The following NRXN3 variants were observed in gnomAD, a reference collection of about 807,000 sequenced individuals.
NRXN3 encodes the protein neurexin 3, also known as neurexin III.
NRXN3 carries 32 observed loss-of-function variants against 137.6 expected under a neutral mutation model. That is an observed-to-expected ratio of 0.23 (90% CI 0.18 to 0.31). The LOEUF (loss-of-function observed/expected upper bound fraction) is 0.31, where lower values mean the gene tolerates loss of function less well. NRXN3 is among the 10% of genes least tolerant of loss of function. The pLI is 1.00. For synonymous variants in NRXN3, 798 were observed against 784.5 expected (o/e 1.02, Z -0.29); for missense variants, 1,574 against 2,062.5 (o/e 0.76, Z 4.59).
chr14:78,878,977 A>G (rs1349578591), intron 10 of NRXN3, among the ~76,000 whole-genome samples: 1 of 152,002 alleles, frequency 6.6e-6, no homozygotes, highest in Non-Finnish European at 1.5e-5. Context: ...AGCATGGCTT[A>G]TTTTACTTAA....
intron 15 of NRXN3, among the ~76,000 whole-genome samples, chr14:79,466,556 C>T (rs1305161932): frequency 1.3e-5 from 2 of 152,034 alleles, no homozygotes; most frequent in Non-Finnish European, 2.9e-5. Context: ...CCACTGCACT[C>T]CAGCCTGGGC....
At chr14:78,442,441 C>G (rs2094290608) in intron 4 of NRXN3, among the ~76,000 whole-genome samples, 1 of 152,204 alleles carries the variant, frequency 6.6e-6, no homozygotes, top group South Asian at 2.1e-4. Flanking sequence ...TCCCCAAGAG[C>G]CTTCAGAGGG....
intron 19 of NRXN3, among the ~76,000 whole-genome samples, chr14:79,777,225 A>C (rs2099099792): frequency 6.6e-6 from 1 of 152,240 alleles, no homozygotes; most frequent in Admixed American, 6.5e-5. Context: ...TAAAGTACAA[A>C]ATAGAAAAAG....
At position 78,657,602 on chromosome 14, in the gene NRXN3, C is replaced by G. The variant is rs543724185; in HGVS notation, c.1221+6276C>G. ...CATTGTGCACATTACATTCCACATC[C>G]CTTTGTGATTATTAGCCATTTAAAA... On this transcript the variant is annotated intron_variant, in intron 6 of 20. Transcript: ENST00000335750. Among the ~76,000 whole-genome samples the G allele has an allele frequency of 3.3e-5, 5 of 152,252 alleles. No homozygotes were observed. The East Asian group carries it at 9.7e-4, about 29-fold the overall frequency.
At position 79,861,677 on chromosome 14, in the gene NRXN3, C is replaced by G. The variant is rs779598981; in HGVS notation, c.4429C>G (p.Pro1477Ala). Residue 1477 changes from proline to alanine, a missense_variant, in exon 21 of 21, where the codon CCG becomes GCG. By Grantham distance (27) the Pro-to-Ala change is conservative (BLOSUM62 -1). Around this residue, in one of 5 missense-constraint regions of NRXN3, gnomAD observed 320 missense variants for 387.1 expected, o/e 0.83. Coordinates refer to ENST00000335750, the MANE Select transcript of NRXN3 (RefSeq NM_001330195.2). The surrounding 1 kb of genome is among the most constrained non-coding windows in gnomAD (Gnocchi z 5.4). ...RNVPTANPTEPGIRRVPGASE... is the reference protein window; with the variant it reads ...RNVPTANPTEAGIRRVPGASE... ...TGTGCCCACAGCAAACCCCACGGAG[C>G]CGGGAATCAGACGGGTTCCGGGGGC... is the stretch of plus-strand genomic sequence containing the variant. 1 of 1,614,046 alleles carries G rather than the reference C, an allele frequency of 6.2e-7. No individual in the cohort carries two copies. The highest frequency in any genetic ancestry group is 1.7e-5 in the Admixed American group (1 of 60,008).
At chr14:79,132,218 T>C (rs1212593830) in intron 15 of NRXN3, among the ~76,000 whole-genome samples, 2 of 152,246 alleles carry the variant, frequency 1.3e-5, no homozygotes, top group South Asian at 2.1e-4. Context: ...AAACTTAACT[T>C]TAAAAATTGA....
intron 4 of NRXN3, among the ~76,000 whole-genome samples, chr14:78,403,555 A>C (rs1230364641): frequency 1.3e-5 from 2 of 152,110 alleles, no homozygotes; most frequent in Non-Finnish European, 2.9e-5. Context: ...TTGCTGGCTG[A>C]AGCTCCCAGT....
At chr14:78,453,471 T>C (rs1366550829) in intron 4 of NRXN3, among the ~76,000 whole-genome samples, 1 of 152,226 alleles carries the variant, frequency 6.6e-6, no homozygotes, top group Admixed American at 6.5e-5. Flanking sequence ...GAAGTTCTGT[T>C]TGGAATTAAG....
intron 10 of NRXN3, among the ~76,000 whole-genome samples, chr14:78,890,128 C>T (rs1007710301): frequency 6.6e-6 from 1 of 151,884 alleles, no homozygotes; most frequent in Non-Finnish European, 1.5e-5. Flanking sequence ...GCCTTTAAAA[C>T]TGAGAGAGAA....
intron 4 of NRXN3, among the ~76,000 whole-genome samples, chr14:78,624,492 C>T (rs796423685): frequency 5.3e-5 from 8 of 152,294 alleles, no homozygotes; most frequent in African/African-American, 1.7e-4. Context: ...AAGAGGGGGG[C>T]GGTATGCCCA....
chr14:78,618,775 A>C (rs1314823887), intron 4 of NRXN3, among the ~76,000 whole-genome samples: 5 of 152,246 alleles, frequency 3.3e-5, no homozygotes, highest in African/African-American at 1.2e-4. Context: ...ATTTTATTCA[A>C]GGATACCCTG....
intron 4 of NRXN3, among the ~76,000 whole-genome samples, chr14:78,302,259 C>G (rs2076947425): frequency 6.6e-6 from 1 of 152,110 alleles, no homozygotes; most frequent in African/African-American, 2.4e-5. Flanking sequence ...ACGTGAGTAT[C>G]TTATTTTCTT....
intron 4 of NRXN3, among the ~76,000 whole-genome samples, chr14:78,587,956 C>G (rs1052022933): frequency 6.6e-6 from 1 of 152,044 alleles, no homozygotes; most frequent in Non-Finnish European, 1.5e-5. Flanking sequence ...CCATCACTTT[C>G]TAATTTTTTA....
intron 4 of NRXN3, among the ~76,000 whole-genome samples, chr14:78,583,336 ATTTTC>A (rs1419527411): frequency 6.6e-6 from 1 of 151,740 alleles, no homozygotes; most frequent in Non-Finnish European, 1.5e-5. Context: ...ATGGATGATT[ATTTTC>A]TTTTTTTTAT....
At chr14:79,187,660 CAAAAAAAAAAA>C (rs1272684800) in intron 15 of NRXN3, among the ~76,000 whole-genome samples, 25 of 20,332 alleles carry the variant, frequency 1.2e-3, no homozygotes, top group African/African-American at 4.5e-3. Flanking sequence ...GACTCCGTCT[CAAAAAAAAAAA>C]AAAAAAAAAA....
chr14:79,525,362 A>G (rs1260580118), intron 16 of NRXN3, among the ~76,000 whole-genome samples: 1 of 152,176 alleles, frequency 6.6e-6, no homozygotes, highest in Non-Finnish European at 1.5e-5. Flanking sequence ...AAAAAATTCC[A>G]CTTCTAATTC....
At chr14:78,383,907 G>T (rs1313707117) in intron 4 of NRXN3, among the ~76,000 whole-genome samples, 1 of 152,188 alleles carries the variant, frequency 6.6e-6, no homozygotes, top group Non-Finnish European at 1.5e-5. Flanking sequence ...CCCAGTAGCA[G>T]TACCTTTTTC....
At chr14:79,674,130 G>A (rs1254936449) in intron 17 of NRXN3, among the ~76,000 whole-genome samples, 1 of 152,086 alleles carries the variant, frequency 6.6e-6, no homozygotes, top group Non-Finnish European at 1.5e-5. Flanking sequence ...TACAATTTGG[G>A]ATGTGACCTT....
intron 3 of NRXN3, among the ~76,000 whole-genome samples, chr14:78,292,338 T>A (rs777613959): frequency 6.6e-6 from 1 of 152,246 alleles, no homozygotes; most frequent in Non-Finnish European, 1.5e-5. Context: ...TACATATGAT[T>A]TGCAGTCTAT....
Sources: gnomAD v4.1 joint callset for allele counts (sites outside exome capture counted in the v4.1 genomes callset) on GRCh38, gnomAD v4.1.1 for gene constraint, gnomAD v4.1.1 regional missense constraint, Gnocchi (gnomAD v3.1) non-coding constraint, MANE v1.5 for transcripts, NCBI Gene and HGNC (gene_info 2026-07-23, HGNC 2026-07-21) for gene names.